SLC2A9: variants seen among roughly 807,000 people sequenced by gnomAD.
SLC2A9 encodes solute carrier family 2 member 9, also known as solute carrier family 2, facilitated glucose transporter member 9.
Under a neutral mutation model 50.6 loss-of-function variants are expected in SLC2A9, and 39 were observed. That is an observed-to-expected ratio of 0.77 (90% confidence interval 0.60 to 1.01). The LOEUF is 1.01. Among genes scored for constraint, SLC2A9 ranks in the 50% least tolerant of loss-of-function variants. The pLI, the probability that SLC2A9 is intolerant of heterozygous loss-of-function variation, is 0.00. For missense variants in SLC2A9, 686 were observed against 677.6 expected, an observed-to-expected ratio of 1.01 and a Z score of -0.14; for synonymous variants, 324 against 276.9, an observed-to-expected ratio of 1.17 and a Z score of -1.69.
chr4:9,898,235 C>T (rs1455247529), intron 8 of SLC2A9, among the ~76,000 whole-genome samples: 4 of 152,036 alleles, frequency 2.6e-5, no homozygotes, highest in Non-Finnish European at 5.9e-5. Context: ...ATGTTGCCTG[C>T]TAAATGATTG....
At chr4:9,834,656 A>G (rs1411390596) in intron 11 of SLC2A9, among the ~76,000 whole-genome samples, 2 of 152,184 alleles carry the variant, frequency 1.3e-5, no homozygotes, top group Non-Finnish European at 2.9e-5. Context: ...TGGGTAGCCC[A>G]CACCCTCTGA....
At chr4:9,956,370 C>T (rs1421686765) in intron 5 of SLC2A9, among the ~76,000 whole-genome samples, 1 of 151,914 alleles carries the variant, frequency 6.6e-6, no homozygotes, top group African/African-American at 2.4e-5. Context: ...GCCCCAGCTA[C>T]TCGGGAGGCT....
intron 3 of SLC2A9, 83 bp downstream of exon 3, chr4:9,996,698 G>A (rs1289516581): frequency 6.5e-7 from 1 of 1,530,448 alleles, no homozygotes; most frequent in Non-Finnish European, 8.9e-7. Context: ...GTGGAGTTCT[G>A]TTGCCTGTCA....
downstream of SLC2A9, among the ~76,000 whole-genome samples, chr4:9,826,007 TG>T (rs371602767): frequency 2.6e-3 from 395 of 152,346 alleles, 1 homozygote; most frequent in African/African-American, 8.9e-3. Flanking sequence ...TCTAATCCGT[TG>T]AGTCCCCTAT....
chr4:9,771,451 C>T (rs1380681234), intron 1 of SLC2A9: 5 of 398,902 alleles, frequency 1.3e-5, no homozygotes, highest in Admixed American at 8.8e-5. Context: ...TGCTCACATT[C>T]CTGTTTTCCA....
chr4:10,038,631 T>C (rs2109601055), intron 1 of SLC2A9, among the ~76,000 whole-genome samples: 1 of 152,108 alleles, frequency 6.6e-6, no homozygotes, highest in South Asian at 2.1e-4. Flanking sequence ...ATGGAACTAC[T>C]GTGTCAAATT....
At chr4:10,019,103 G>A (rs1763161944) in intron 1 of SLC2A9, 30 bp from the exon 2 acceptor site, 3 of 1,540,078 alleles carry the variant, frequency 1.9e-6, no homozygotes, top group South Asian at 1.2e-5. Flanking sequence ...CGTCAGAGCC[G>A]GCACCGGGCG....
intron 2 of SLC2A9, among the ~76,000 whole-genome samples, chr4:10,018,181 G>A (rs780364639): frequency 6.6e-6 from 1 of 152,218 alleles, no homozygotes; most frequent in East Asian, 1.9e-4. Flanking sequence ...TCTGATTTCA[G>A]AGTAAAACAC....
chr4:9,985,611 T>G, intron 4 of SLC2A9, 58 bp downstream of exon 4: 1 of 1,610,116 alleles, frequency 6.2e-7, no homozygotes, highest in Non-Finnish European at 8.5e-7. Context: ...CTTCTCACAT[T>G]TTGGGACACC....
intron 5 of SLC2A9, among the ~76,000 whole-genome samples, chr4:9,972,533 C>A (rs956057994): frequency 6.7e-6 from 1 of 149,402 alleles, no homozygotes; most frequent in Admixed American, 6.7e-5. Flanking sequence ...CCTTCGTCTA[C>A]CACAGGCTCA....
intron 7 of SLC2A9, among the ~76,000 whole-genome samples, chr4:9,914,232 G>C (rs79656154): frequency 0.011 from 1,722 of 152,296 alleles, 38 homozygotes; most frequent in African/African-American, 0.039. Flanking sequence ...AATTACCCGA[G>C]AGGTGAGAGG....
At chr4:9,933,964 T>A (rs1489091929) in intron 6 of SLC2A9, among the ~76,000 whole-genome samples, 1 of 152,212 alleles carries the variant, frequency 6.6e-6, no homozygotes, top group Non-Finnish European at 1.5e-5. Flanking sequence ...ACCCTTGTGA[T>A]TGCATTGGGC....
intron 6 of SLC2A9, among the ~76,000 whole-genome samples, chr4:9,931,174 G>T (rs1193064402): frequency 6.6e-6 from 1 of 152,154 alleles, no homozygotes; most frequent in African/African-American, 2.4e-5. Flanking sequence ...TTTAAAAATA[G>T]TTCATCCAAG....
intron 3 of SLC2A9, among the ~76,000 whole-genome samples, chr4:9,792,343 GT>G (rs58801443): frequency 0.026 from 3,436 of 131,112 alleles, 70 homozygotes; most frequent in African/African-American, 0.067. Flanking sequence ...CACCTGGATA[GT>G]TTTTTTTTTT....
At chr4:9,928,776 T>C (rs1745369161) in intron 6 of SLC2A9, among the ~76,000 whole-genome samples, 2 of 152,170 alleles carry the variant, frequency 1.3e-5, no homozygotes, top group African/African-American at 2.4e-5. Context: ...CTCTCGGATC[T>C]GCACATTCAA....
rs184100175 is a variant in SLC2A9 at position 9,837,261 on chromosome 4, A to C, written c.1292-2253T>G. Among the ~76,000 whole-genome samples, 30 of 152,310 alleles carry C rather than the reference A, an allele frequency of 2.0e-4. No homozygotes were observed. The East Asian group carries it at 5.8e-3, about 29-fold the overall frequency. ...GTTCACTACAAAAATATTAGACTCT[A>C]TATCTTAAAGGTATCTATTGAACTG... On this transcript the variant is annotated intron_variant, in intron 10 of 11. Coordinates refer to ENST00000264784, the MANE Select transcript of SLC2A9 (RefSeq NM_020041.3).
intron 10 of SLC2A9, among the ~76,000 whole-genome samples, chr4:9,882,622 T>G (rs548273128): frequency 6.8e-6 from 1 of 147,004 alleles, no homozygotes; most frequent in East Asian, 2.0e-4. Flanking sequence ...GGCAGGAGAA[T>G]GGCGTGAACC....
intron 10 of SLC2A9, among the ~76,000 whole-genome samples, chr4:9,885,513 T>A (rs1736037080): frequency 6.6e-6 from 1 of 152,196 alleles, no homozygotes; most frequent in Non-Finnish European, 1.5e-5. Context: ...CCAAGGTTTG[T>A]TTTGAAAAAC....
intron 11 of SLC2A9, among the ~76,000 whole-genome samples, chr4:9,828,847 A>C (rs1725562394): frequency 1.3e-5 from 2 of 152,174 alleles, no homozygotes; most frequent in Admixed American, 6.5e-5. Flanking sequence ...AGAGGTAACT[A>C]TCTGAAGGCA....
Sources: gnomAD v4.1 joint callset for allele counts (sites outside exome capture counted in the v4.1 genomes callset) on GRCh38, gnomAD v4.1.1 for gene constraint, MANE v1.5 for transcripts, NCBI Gene and HGNC (gene_info 2026-07-23, HGNC 2026-07-21) for gene names.